Variants in ANO10 observed in about 807,000 individuals in gnomAD.
The protein encoded by ANO10 is anoctamin-10.
ANO10 carries 77 observed loss-of-function variants against 74.7 expected under a neutral mutation model. That is an observed-to-expected ratio of 1.03 (90% CI 0.86 to 1.25). The LOEUF (loss-of-function observed/expected upper bound fraction) is 1.25, where lower values mean the gene tolerates loss of function less well. Among genes scored for constraint, ANO10 ranks in the 50% most tolerant of loss-of-function variants. The pLI, the probability that ANO10 is intolerant of heterozygous loss-of-function variation, is 0.00. For synonymous variants in ANO10, 279 were observed against 284.9 expected, an observed-to-expected ratio of 0.98 and a Z score of 0.21; for missense variants, 721 against 778.1, an observed-to-expected ratio of 0.93 and a Z score of 0.87.
At chr3:43,463,960 TAGTG>T (rs1456528976) in intron 11 of ANO10, among the ~76,000 whole-genome samples, 2 of 152,204 alleles carry the variant, frequency 1.3e-5, no homozygotes, top group East Asian at 3.9e-4. Context: ...GTTCTCGTGA[TAGTG>T]AGTAAGTCTC....
chr3:43,386,712 A>G (rs1312608393), intron 12 of ANO10, among the ~76,000 whole-genome samples: 4 of 142,898 alleles, frequency 2.8e-5, no homozygotes, highest in Admixed American at 1.4e-4. Context: ...ACCTCTGGGA[A>G]GGAGGCAGGG....
chr3:43,477,204 T>A (rs889896541), intron 11 of ANO10, among the ~76,000 whole-genome samples: 3 of 152,208 alleles, frequency 2.0e-5, no homozygotes, highest in African/African-American at 7.2e-5. Context: ...TGAGATGATA[T>A]GATGTTGAGA....
chr3:43,434,833 T>C (rs1013811535), intron 11 of ANO10, among the ~76,000 whole-genome samples: 16 of 152,286 alleles, frequency 1.1e-4, no homozygotes, highest in African/African-American at 3.4e-4. Flanking sequence ...TTCTCATGAA[T>C]TGAAAAAAGT....
At chr3:43,486,501 T>A (rs936879334) in intron 11 of ANO10, among the ~76,000 whole-genome samples, 2 of 150,446 alleles carry the variant, frequency 1.3e-5, no homozygotes, top group Admixed American at 6.7e-5. Flanking sequence ...GGTTTGTAGT[T>A]CTCCTTGAAG....
At chr3:43,644,097 T>C (rs957540645) in intron 1 of ANO10, among the ~76,000 whole-genome samples, 2 of 152,130 alleles carry the variant, frequency 1.3e-5, no homozygotes. Flanking sequence ...TGTTTGTTTG[T>C]TTGTTTGTTT....
intron 11 of ANO10, among the ~76,000 whole-genome samples, chr3:43,515,507 C>T (rs894144476): frequency 7.2e-5 from 11 of 152,084 alleles, no homozygotes; most frequent in Admixed American, 2.6e-4. Flanking sequence ...TGGGGCTTGG[C>T]CTCCATAACT....
At chr3:43,472,972 G>T (rs1270238408) in intron 11 of ANO10, among the ~76,000 whole-genome samples, 3 of 152,128 alleles carry the variant, frequency 2.0e-5, no homozygotes, top group African/African-American at 7.2e-5. Flanking sequence ...TAAGCAAAAT[G>T]ATAAATATGA....
At chr3:43,391,423 T>C (rs1436342712) in intron 12 of ANO10, among the ~76,000 whole-genome samples, 1 of 152,164 alleles carries the variant, frequency 6.6e-6, no homozygotes, top group Non-Finnish European at 1.5e-5. Flanking sequence ...AACAGAACAC[T>C]ACCATATAAG....
intron 7 of ANO10, among the ~76,000 whole-genome samples, chr3:43,571,506 G>GA (rs1009281622): frequency 4.6e-5 from 7 of 152,016 alleles, no homozygotes; most frequent in South Asian, 4.1e-4. Flanking sequence ...TACGCAGCCA[G>GA]AAAAAATGAT....
intron 11 of ANO10, among the ~76,000 whole-genome samples, chr3:43,447,296 T>C (rs747786744): frequency 7.2e-5 from 11 of 152,220 alleles, no homozygotes; most frequent in Non-Finnish European, 1.5e-4. Flanking sequence ...GTTCCGTACA[T>C]GGTATTAAGC....
intron 1 of ANO10, among the ~76,000 whole-genome samples, chr3:43,647,312 C>T (rs760890981): frequency 6.6e-6 from 1 of 151,944 alleles, no homozygotes; most frequent in Non-Finnish European, 1.5e-5. Context: ...TTAGGAAAGC[C>T]AGTGGTGTGT....
Position 43,618,804 on chromosome 3 carries a change from C to CT in ANO10, c.-12+3104dup, listed in dbSNP as rs957300274. Among the ~76,000 whole-genome samples the CT allele has an allele frequency of 1.3e-3, 197 of 147,994 alleles. 1 individual carries two copies. The highest frequency in any genetic ancestry group is 4.0e-3 in the African/African-American group (164 of 40,660). On this transcript the variant is annotated intron_variant, in intron 1 of 12. Transcript: ENST00000292246. ...AAAAGGCACCTTATTAGTTATACGT[C>CT]TTTTTTTTTTTCTTTGAGGCAGAGT...
At chr3:43,499,730 GCT>G (rs2077033565) in intron 11 of ANO10, among the ~76,000 whole-genome samples, 1 of 151,094 alleles carries the variant, frequency 6.6e-6, no homozygotes, top group African/African-American at 2.4e-5. Flanking sequence ...AATTTGAAGG[GCT>G]CTTTTTAAAA....
At chr3:43,452,087 T>C (rs939055065) in intron 11 of ANO10, among the ~76,000 whole-genome samples, 8 of 152,368 alleles carry the variant, frequency 5.3e-5, no homozygotes, top group African/African-American at 1.9e-4. Context: ...ATTTATTTAT[T>C]TAATCTTCTT....
intron 1 of ANO10, among the ~76,000 whole-genome samples, chr3:43,677,160 A>G (rs1258791987): frequency 6.6e-6 from 1 of 152,234 alleles, no homozygotes; most frequent in Non-Finnish European, 1.5e-5. Context: ...TGCAGCCCCA[A>G]AAAGAATGAA....
intron 4 of ANO10, among the ~76,000 whole-genome samples, chr3:43,595,842 T>C (rs543599541): frequency 1.3e-5 from 2 of 152,314 alleles, no homozygotes; most frequent in Admixed American, 6.5e-5. Context: ...GTAGATAACA[T>C]GACTGTATAT....
chr3:43,679,729 CTCT>C (rs1246785745), intron 1 of ANO10, among the ~76,000 whole-genome samples: 1 of 152,188 alleles, frequency 6.6e-6, no homozygotes, highest in African/African-American at 2.4e-5. Flanking sequence ...CCGGGTACTC[CTCT>C]GAGACAAAAC....
intron 4 of ANO10, among the ~76,000 whole-genome samples, chr3:43,588,115 C>T (rs1279220148): frequency 6.6e-6 from 1 of 152,144 alleles, no homozygotes; most frequent in Non-Finnish European, 1.5e-5. Context: ...TTTGACTACA[C>T]ATAGTAATAG....
chr3:43,375,127 A>C (rs574659703), intron 12 of ANO10, among the ~76,000 whole-genome samples: 24 of 151,576 alleles, frequency 1.6e-4, no homozygotes, highest in South Asian at 6.2e-4. Context: ...TCTCAAAAAA[A>C]AAACAAACAA....
Sources: allele counts gnomAD v4.1 joint callset (sites outside exome capture counted in the v4.1 genomes callset), GRCh38; gene constraint gnomAD v4.1.1; transcripts MANE v1.5; gene names NCBI Gene and HGNC (gene_info 2026-07-23, HGNC 2026-07-21).